STEAP3: variants seen among roughly 807,000 people sequenced by gnomAD.
STEAP3 encodes the protein STEAP3 metalloreductase.
In STEAP3, 35 loss-of-function variants were observed where a neutral mutation model predicts 34.9. That is an observed-to-expected ratio of 1.00 (90% confidence interval 0.76 to 1.33). The LOEUF (loss-of-function observed/expected upper bound fraction) is 1.33, where lower values mean the gene tolerates loss of function less well. STEAP3 is among the 40% of genes most tolerant of loss of function. The pLI is 0.00. For synonymous variants in STEAP3, 281 were observed against 301.6 expected, an observed-to-expected ratio of 0.93 and a Z score of 0.71; for missense variants, 652 against 667.6, an observed-to-expected ratio of 0.98 and a Z score of 0.26.
chr2:119,254,486 T>A (rs572741859), intron 4 of STEAP3, among the ~76,000 whole-genome samples, 198 bp from the exon 5 acceptor site: 1 of 152,318 alleles, frequency 6.6e-6, no homozygotes, highest in Admixed American at 6.5e-5. Flanking sequence ...TAAAATGGGC[T>A]AATAGTGATC....
At position 119,253,296 on chromosome 2, in the gene STEAP3, C is replaced by A. The variant is rs143342807; in HGVS notation, c.1051-1388C>A. 1.1e-3 allele frequency among the ~76,000 whole-genome samples: 174 copies of A among 152,272 alleles called. 2 individuals carry two copies. Among genetic ancestry groups the A allele is most frequent in the Non-Finnish European group, 1.8e-3 (123 of 68,034 alleles). Reference sequence around the variant, plus strand: ...AGTGGCTTAAAGTCACCAAAGTGAGCCAGGCCTGCCCTAAAATAGAACAGA... The same window carrying A: ...AGTGGCTTAAAGTCACCAAAGTGAGACAGGCCTGCCCTAAAATAGAACAGA... On this transcript the variant is annotated intron_variant, in intron 4 of 5. Coordinates refer to ENST00000393110, the MANE Select transcript of STEAP3 (RefSeq NM_182915.3).
intron 2 of STEAP3, among the ~76,000 whole-genome samples, chr2:119,240,765 G>A (rs1207106329): frequency 6.6e-6 from 1 of 152,200 alleles, no homozygotes; most frequent in African/African-American, 2.4e-5. Context: ...CAGGAGACAG[G>A]CCTCGGCCCA....
intron 5 of STEAP3, 67 bp downstream of exon 5, chr2:119,254,915 C>T (rs1338468504): frequency 1.3e-6 from 2 of 1,553,658 alleles, no homozygotes; most frequent in African/African-American, 1.4e-5. Context: ...TGAGTAAGTG[C>T]TCTGCCTTTG....
chr2:119,227,399 A>G (rs567963866), intron 1 of STEAP3, among the ~76,000 whole-genome samples: 2 of 152,258 alleles, frequency 1.3e-5, no homozygotes, highest in African/African-American at 4.8e-5. Flanking sequence ...CCAGGCGTTC[A>G]TTGCTTCAGC....
rs1678000376 is a variant in STEAP3, at chr2:119,263,245, C to T, written c.1404C>T (p.Leu468=). 1.9e-6 allele frequency: 3 copies of T among 1,614,144 alleles called. No homozygotes were observed. Among genetic ancestry groups the T allele is most frequent in the Non-Finnish European group, 2.5e-6 (3 of 1,180,032 alleles). Residue 468 remains leucine (L), a synonymous_variant, in exon 6 of 6, where the codon CTC becomes CTT. Coordinates refer to ENST00000393110, the MANE Select transcript of STEAP3 (RefSeq NM_182915.3). ...TCCTGCCCTGCATCAGCCGCAGACT[C>T]GCCAGGATCCGGAGAGGCTGGGAGA... The part of the protein sequence containing the change: ...LFLLPCISRR[L]ARIRRGWERE...
rs1198304922 is a variant in STEAP3, at chr2:119,245,961, G to T, written c.495G>T (p.Gln165His). Reference sequence around the variant, plus strand: ...ATGTCATCTCTGCCTGGACCCTGCAGGCTGGCCCAAGGGATGGTAACAGGC... The same window carrying T: ...ATGTCATCTCTGCCTGGACCCTGCATGCTGGCCCAAGGGATGGTAACAGGC... Reference protein sequence around the residue: ...AFNVISAWTLQAGPRDGNRQV... With the variant: ...AFNVISAWTLHAGPRDGNRQV... The change falls in exon 3 of 6, where the codon CAG (glutamine) becomes CAT (histidine). Residue 165 changes from glutamine (Q) to histidine (H), a missense_variant. Physicochemically the swap from Gln to His is conservative, Grantham distance 24. Coordinates refer to ENST00000393110, the MANE Select transcript of STEAP3 (RefSeq NM_182915.3). 3 of 1,613,340 alleles carry T rather than the reference G, an allele frequency of 1.9e-6. No individual in the cohort carries two copies. The highest frequency in any genetic ancestry group is 8.5e-7 in the Non-Finnish European group (1 of 1,179,856).
chr2:119,229,688 G>A (rs908895913), intron 1 of STEAP3, among the ~76,000 whole-genome samples: 1 of 152,156 alleles, frequency 6.6e-6, no homozygotes, highest in African/African-American at 2.4e-5. Context: ...GTGGGCGTTG[G>A]GGGAGATGGC....
intron 5 of STEAP3, among the ~76,000 whole-genome samples, chr2:119,258,343 G>A (rs533834788): frequency 6.6e-6 from 1 of 152,024 alleles, no homozygotes; most frequent in African/African-American, 2.4e-5. Context: ...ATCCTGAGCC[G>A]ACCTCCTATG....
At chr2:119,239,849 G>A (rs901157298) in intron 2 of STEAP3, among the ~76,000 whole-genome samples, 1 of 152,146 alleles carries the variant, frequency 6.6e-6, no homozygotes, top group Non-Finnish European at 1.5e-5. Flanking sequence ...CCTGGGATTA[G>A]GGAGGACATA....
chr2:119,259,311 G>A (rs148709844), intron 5 of STEAP3, among the ~76,000 whole-genome samples: 4 of 152,230 alleles, frequency 2.6e-5, no homozygotes, highest in African/African-American at 4.8e-5. Flanking sequence ...CTTATTAATC[G>A]CCTCATGACA....
chr2:119,246,120 A>C, intron 3 of STEAP3, 132 bp downstream of exon 3: 1 of 1,257,052 alleles, frequency 8.0e-7, no homozygotes, highest in East Asian at 2.4e-5. Flanking sequence ...TCCATTTTAC[A>C]GAACAGGAAA....
chr2:119,233,297 T>C (rs539907975), intron 2 of STEAP3, among the ~76,000 whole-genome samples: 2 of 152,372 alleles, frequency 1.3e-5, no homozygotes, highest in East Asian at 3.9e-4. Flanking sequence ...TGATTTTCAC[T>C]TTGACCAGAT....
chr2:119,246,198 G>A (rs1241231335), intron 3 of STEAP3: 1 of 681,752 alleles, frequency 1.5e-6, no homozygotes, highest in South Asian at 2.1e-5. Context: ...TTTGAACCCA[G>A]TTCCTATGGA....
At chr2:119,229,035 T>C (rs754433850) in intron 1 of STEAP3, among the ~76,000 whole-genome samples, 1 of 151,634 alleles carries the variant, frequency 6.6e-6, no homozygotes, top group Non-Finnish European at 1.5e-5. Context: ...GAAAATAGAG[T>C]CCTATCCACC....
chr2:119,227,660 G>A (rs543938296), intron 1 of STEAP3, among the ~76,000 whole-genome samples: 7 of 152,154 alleles, frequency 4.6e-5, no homozygotes, highest in Admixed American at 2.6e-4. Flanking sequence ...TTATAAAGCC[G>A]ACTTCGGTAC....
At chr2:119,228,790 G>A (rs1419261836) in intron 1 of STEAP3, among the ~76,000 whole-genome samples, 1 of 152,096 alleles carries the variant, frequency 6.6e-6, no homozygotes, top group Non-Finnish European at 1.5e-5. Context: ...ATGGCTTGTG[G>A]GGGGTGCTGA....
intron 2 of STEAP3, among the ~76,000 whole-genome samples, chr2:119,231,622 C>T (rs1177929120): frequency 6.6e-6 from 1 of 152,074 alleles, no homozygotes; most frequent in Non-Finnish European, 1.5e-5. Context: ...TTCCATCAGA[C>T]GAAACTTGCG....
chr2:119,241,493 TTGCATTTATCCTACCGCTGAA>T (rs1380579401), intron 2 of STEAP3, among the ~76,000 whole-genome samples: 1 of 152,230 alleles, frequency 6.6e-6, no homozygotes, highest in African/African-American at 2.4e-5. Context: ...AACGTTTAGT[TTGCATTTATCCTACCGCTGAA>T]AAGCAGGGAC....
rs1422601380 is a variant in STEAP3, at chr2:119,248,180, G to A, written c.1024G>A (p.Asp342Asn). 23 of 1,594,900 alleles carry A rather than the reference G, an allele frequency of 1.4e-5. No individual in the cohort carries two copies. The highest frequency in any genetic ancestry group is 1.7e-4 in the Middle Eastern group (1 of 6,024). Residue 342 changes from aspartate (D) to asparagine (N), a missense_variant, in exon 4 of 6, where the codon GAC (aspartate) becomes AAC (asparagine). Transcript: ENST00000393110. ...CLPLRRAHRYDLVNLAVKQVL... is the reference protein window; with the variant it reads ...CLPLRRAHRYNLVNLAVKQVL... ...GCCGCTGCGCCGCGCCCACCGCTAC[G>A]ACCTGGTCAACCTGGCAGTCAAGCA...
Sources: allele counts gnomAD v4.1 joint callset (sites outside exome capture counted in the v4.1 genomes callset), GRCh38; gene constraint gnomAD v4.1.1; transcripts MANE v1.5; gene names NCBI Gene and HGNC (gene_info 2026-07-23, HGNC 2026-07-21).